CDH18: variants seen among roughly 807,000 people sequenced by gnomAD.
CDH18 encodes the protein cadherin-18.
CDH18 carries 31 observed loss-of-function variants against 67.9 expected under a neutral mutation model. That is an observed-to-expected ratio of 0.46 (90% confidence interval 0.34 to 0.62). The LOEUF is 0.62. CDH18 is among the 20% of genes least tolerant of loss of function. The pLI is 0.01. For missense variants in CDH18, 890 were observed against 975.5 expected, an observed-to-expected ratio of 0.91 and a Z score of 1.17; for synonymous variants, 362 against 347.2, an observed-to-expected ratio of 1.04 and a Z score of -0.48.
intron 2 of CDH18, among the ~76,000 whole-genome samples, chr5:19,935,577 C>A (rs1458783139): frequency 6.6e-6 from 1 of 151,254 alleles, no homozygotes; most frequent in Admixed American, 6.6e-5. Context: ...GTGTAGTAGA[C>A]TATACCATCT....
At chr5:20,043,285 G>A (rs1740612484) in intron 2 of CDH18, among the ~76,000 whole-genome samples, 1 of 151,976 alleles carries the variant, frequency 6.6e-6, no homozygotes, top group African/African-American at 2.4e-5. Context: ...CCTCATGATA[G>A]CGAAAATTTT....
At chr5:19,869,577 C>A (rs752817586) in intron 2 of CDH18, among the ~76,000 whole-genome samples, 2 of 152,014 alleles carry the variant, frequency 1.3e-5, no homozygotes, top group Non-Finnish European at 2.9e-5. Context: ...AATAATTCTA[C>A]ACAAAAATGC....
intron 1 of CDH18, among the ~76,000 whole-genome samples, chr5:20,434,852 G>A (rs1381433956): frequency 6.6e-6 from 1 of 151,970 alleles, no homozygotes; most frequent in Non-Finnish European, 1.5e-5. Flanking sequence ...AGTCCCTATA[G>A]AGTATCCATA....
intron 2 of CDH18, among the ~76,000 whole-genome samples, chr5:20,133,659 C>T (rs137872061): frequency 3.9e-5 from 6 of 152,062 alleles, no homozygotes; most frequent in East Asian, 1.9e-4. Flanking sequence ...AATTCTTACC[C>T]GTATCATTCT....
At chr5:20,232,899 G>A (rs1742183373) in intron 2 of CDH18, among the ~76,000 whole-genome samples, 1 of 151,856 alleles carries the variant, frequency 6.6e-6, no homozygotes, top group African/African-American at 2.4e-5. Flanking sequence ...TTCCATTTTA[G>A]TTCCCAAGGG....
intron 1 of CDH18, among the ~76,000 whole-genome samples, chr5:20,480,013 T>C (rs1197780115): frequency 6.6e-6 from 1 of 152,128 alleles, no homozygotes. Flanking sequence ...ATAAATTTTA[T>C]CGTAGAATAA....
intron 2 of CDH18, among the ~76,000 whole-genome samples, chr5:19,857,590 T>C (rs1432125848): frequency 1.3e-5 from 2 of 152,128 alleles, no homozygotes; most frequent in African/African-American, 4.8e-5. Context: ...ATCAGACTAG[T>C]AGGGAAGTAG....
At chr5:19,857,445 G>A (rs1784431551) in intron 2 of CDH18, among the ~76,000 whole-genome samples, 1 of 152,038 alleles carries the variant, frequency 6.6e-6, no homozygotes, top group Non-Finnish European at 1.5e-5. Flanking sequence ...GACACAGACT[G>A]GATGTTATAA....
At position 20,489,388 on chromosome 5, in the gene CDH18, T is replaced by C. The variant is rs142331123; in HGVS notation, c.-580+86074A>G. Among the ~76,000 whole-genome samples, 372 of 152,198 alleles carry C rather than the reference T, an allele frequency of 2.4e-3. 1 individual carries two copies. The highest frequency in any genetic ancestry group is 8.7e-3 in the African/African-American group (363 of 41,574). On this transcript the variant is annotated intron_variant, in intron 1 of 14. Coordinates refer to the CDH18 transcript ENST00000507958. ...CCAATCATAAGGCTAGCAATGATTA[T>C]TGAATATTTTGATAATGAACTATGT...
intron 3 of CDH18, among the ~76,000 whole-genome samples, chr5:19,753,373 A>G (rs1771111450): frequency 6.6e-6 from 1 of 152,218 alleles, no homozygotes; most frequent in Non-Finnish European, 1.5e-5. Flanking sequence ...TTGGACACAG[A>G]TAGAAATGCA....
At chr5:19,944,893 T>C (rs1339406786) in intron 2 of CDH18, among the ~76,000 whole-genome samples, 2 of 152,122 alleles carry the variant, frequency 1.3e-5, no homozygotes, top group Non-Finnish European at 2.9e-5. Context: ...TTGTCTGGGT[T>C]TTCTGTTCAT....
intron 2 of CDH18, among the ~76,000 whole-genome samples, chr5:20,042,823 G>A (rs1398436999): frequency 4.6e-5 from 7 of 151,966 alleles, no homozygotes; most frequent in Admixed American, 6.6e-5. Flanking sequence ...TTAGCCGGGC[G>A]TGCTGGCGGG....
intron 2 of CDH18, among the ~76,000 whole-genome samples, chr5:20,034,195 A>G (rs1739639678): frequency 6.6e-6 from 1 of 151,988 alleles, no homozygotes; most frequent in African/African-American, 2.4e-5. Flanking sequence ...TGAGACTAAA[A>G]TATCAGGGCT....
chr5:20,493,357 A>T (rs28699175), intron 1 of CDH18, among the ~76,000 whole-genome samples: 176 of 7,542 alleles, frequency 0.023, no homozygotes, highest in African/African-American at 0.034. Context: ...TCAGAAAATT[A>T]AAAAAAAAAA....
chr5:20,187,849 T>A, intron 2 of CDH18, among the ~76,000 whole-genome samples: 1 of 151,760 alleles, frequency 6.6e-6, no homozygotes, highest in East Asian at 1.9e-4. Context: ...TTCTTAAAAA[T>A]TAATATTTAA....
intron 1 of CDH18, among the ~76,000 whole-genome samples, chr5:20,306,927 A>G (rs937706477): frequency 3.3e-5 from 5 of 149,462 alleles, no homozygotes; most frequent in African/African-American, 1.2e-4. Flanking sequence ...ATAATTCTCA[A>G]TGAATTTATG....
chr5:19,569,676 T>G (rs1403011175), intron 8 of CDH18, among the ~76,000 whole-genome samples: 1 of 152,176 alleles, frequency 6.6e-6, no homozygotes, highest in Admixed American at 6.6e-5. Context: ...ATAGTCACCC[T>G]ACTGATCTAT....
rs34475393 is a variant in CDH18, at chr5:20,152,939, A to ATTTTTTT, written c.-518+102498_-518+102504dup. ...ATATATAGACAACTAAGGATGAGGA[A>ATTTTTTT]TTTTTTTTTTTTTTTTTTTTTGAGA... On this transcript the variant is annotated intron_variant, in intron 2 of 14. Coordinates refer to the CDH18 transcript ENST00000507958. Among the ~76,000 whole-genome samples the ATTTTTTT allele has an allele frequency of 7.5e-3, 949 of 125,828 alleles. 9 individuals carry two copies. The highest frequency in any genetic ancestry group is 0.027 in the African/African-American group (917 of 33,812). 82.5% of individuals were successfully genotyped at this position (125,828 alleles called of 152,430 possible). A position where few individuals can be genotyped will look rare whatever the true frequency, so the allele number is the denominator to read the frequency against.
At chr5:19,872,770 C>T (rs774253648) in intron 2 of CDH18, among the ~76,000 whole-genome samples, 7 of 152,180 alleles carry the variant, frequency 4.6e-5, no homozygotes, top group East Asian at 3.9e-4. Flanking sequence ...AGGTTTCAAG[C>T]GCATAAAAGC....
Sources: allele counts gnomAD v4.1 joint callset (sites outside exome capture counted in the v4.1 genomes callset), GRCh38; gene constraint gnomAD v4.1.1; transcripts MANE v1.5; gene names NCBI Gene and HGNC (gene_info 2026-07-23, HGNC 2026-07-21).